PAK5: variants seen among roughly 807,000 people sequenced by gnomAD.
PAK5 encodes the protein serine/threonine-protein kinase PAK 5.
PAK5 carries 16 observed loss-of-function variants against 65.9 expected under a neutral mutation model. The observed-to-expected ratio is 0.24, with a 90% CI of 0.16 to 0.37. PAK5 has a LOEUF of 0.37. PAK5 is among the 10% of genes least tolerant of loss of function. The probability of loss-of-function intolerance (pLI) is 1.00; values close to 1 mark genes in which losing one functional copy is unlikely to be tolerated. For synonymous variants in PAK5, 371 were observed against 354.9 expected (o/e 1.05, Z -0.51); for missense variants, 785 against 903.9 (o/e 0.87, Z 1.69).
intron 3 of PAK5, among the ~76,000 whole-genome samples, chr20:9,608,391 A>T (rs1389960766): frequency 6.6e-6 from 1 of 152,236 alleles, no homozygotes. Flanking sequence ...GGAAGTTTCT[A>T]TGAATGCCTT....
In PAK5 at chr20:9,542,624, G is replaced by A. The variant is rs775109543; in HGVS notation, c.1966C>T (p.Arg656Trp). 8.1e-6 allele frequency: 13 copies of A among 1,613,794 alleles called. No individual in the cohort carries two copies. Among genetic ancestry groups the A allele is most frequent in the East Asian group, 2.2e-5 (1 of 44,882 alleles). Reference sequence around the variant, plus strand: ...TTCACTCTTGGAGGTAAACTGTCCCGGATCCTCCGCATCGCCTGGAGGGGA... The same window carrying A: ...TTCACTCTTGGAGGTAAACTGTCCCAGATCCTCCGCATCGCCTGGAGGGGA... ...EPPLQAMRRI[R>W]DSLPPRVKDL... The change falls in exon 9 of 10, where the codon CGG becomes TGG. Residue 656 changes from arginine to tryptophan, a missense_variant. Physicochemically the swap from Arg to Trp is moderately radical, Grantham distance 101. Around this residue, in one of 4 missense-constraint regions of PAK5, gnomAD observed 110 missense variants for 107.4 expected, o/e 1.02. Coordinates refer to ENST00000353224, the MANE Select transcript of PAK5 (RefSeq NM_177990.4).
intron 1 of PAK5, among the ~76,000 whole-genome samples, chr20:9,822,222 G>C (rs1366897144): frequency 2.7e-5 from 4 of 149,576 alleles, no homozygotes; most frequent in Admixed American, 2.7e-4. Context: ...CCAGGAGGCA[G>C]AGGTTGCAGT....
intron 4 of PAK5, among the ~76,000 whole-genome samples, chr20:9,573,006 G>C (rs1244214314): frequency 6.6e-6 from 1 of 152,050 alleles, no homozygotes; most frequent in Non-Finnish European, 1.5e-5. Context: ...AATTGTCATT[G>C]AAAATTGGAT....
intron 3 of PAK5, among the ~76,000 whole-genome samples, chr20:9,619,156 C>G (rs1350022806): frequency 6.6e-6 from 1 of 151,840 alleles, no homozygotes; most frequent in African/African-American, 2.4e-5. Flanking sequence ...CTCCTGGGTT[C>G]AAATGATCTG....
At chr20:9,596,469 T>C (rs186660642) in intron 3 of PAK5, among the ~76,000 whole-genome samples, 25 of 151,956 alleles carry the variant, frequency 1.6e-4, no homozygotes, top group African/African-American at 5.8e-4. Flanking sequence ...ACCCCGTCTC[T>C]ACTAAAAATA....
chr20:9,690,935 A>T, intron 2 of PAK5, among the ~76,000 whole-genome samples: 1 of 150,868 alleles, frequency 6.6e-6, no homozygotes. Context: ...TTGTATTTTT[A>T]ATAGAGATGG....
intron 2 of PAK5, among the ~76,000 whole-genome samples, chr20:9,654,836 C>A (rs1001252638): frequency 6.6e-6 from 1 of 152,170 alleles, no homozygotes; most frequent in Non-Finnish European, 1.5e-5. Flanking sequence ...TGTCTCCACC[C>A]TCTCATCTTG....
At chr20:9,763,147 T>C (rs2048719074) in intron 1 of PAK5, among the ~76,000 whole-genome samples, 2 of 152,094 alleles carry the variant, frequency 1.3e-5, no homozygotes, top group Admixed American at 6.6e-5. Flanking sequence ...GTTAGAGGGT[T>C]CAAAGTTTTA....
chr20:9,734,101 A>C (rs919635265), intron 1 of PAK5, among the ~76,000 whole-genome samples: 1 of 152,150 alleles, frequency 6.6e-6, no homozygotes, highest in Non-Finnish European at 1.5e-5. Context: ...TCCTGTGGTA[A>C]TAGGTGAATT....
rs577345321 is a variant in PAK5, at chr20:9,768,990, C to A, written c.-161-57555G>T. Among the ~76,000 whole-genome samples the A allele has an allele frequency of 7.2e-4, 109 of 152,228 alleles. 3 individuals carry two copies. The South Asian group carries it at 0.022, about 30-fold the overall frequency. On this transcript the variant is annotated intron_variant, in intron 1 of 9. Coordinates refer to ENST00000353224, the MANE Select transcript of PAK5 (RefSeq NM_177990.4). ...TGCTATCTAATTGCCCCGTTCATTTCTTTAAAAGGATTTTAAAAGATCAAG... is the reference window on the plus strand; with the variant it reads ...TGCTATCTAATTGCCCCGTTCATTTATTTAAAAGGATTTTAAAAGATCAAG...
intron 1 of PAK5, among the ~76,000 whole-genome samples, chr20:9,712,805 T>G (rs1346599143): frequency 6.6e-6 from 1 of 152,108 alleles, no homozygotes; most frequent in African/African-American, 2.4e-5. Context: ...TAGGAAAACC[T>G]GATATACATA....
At chr20:9,825,154 T>G (rs2049469173) in intron 1 of PAK5, among the ~76,000 whole-genome samples, 1 of 152,184 alleles carries the variant, frequency 6.6e-6, no homozygotes, top group African/African-American at 2.4e-5. Context: ...ACCCTGGTCT[T>G]TGTAGAAAAG....
In PAK5 at chr20:9,580,197, T is replaced by A; in HGVS notation, c.938A>T (p.Tyr313Phe). The change falls in exon 4 of 10, where the codon TAC becomes TTC. Residue 313 changes from tyrosine (Y) to phenylalanine (F), a missense_variant. This residue lies in a region of PAK5 where 422 missense variants were observed against 413.3 expected (regional missense o/e 1.02). Coordinates refer to ENST00000353224, the MANE Select transcript of PAK5 (RefSeq NM_177990.4). The part of the protein sequence containing the change: ...AFKTHPQGHS[Y>F]NSYTYPRLSE... ...CAAGCGAGGGTAGGTGTAGGAGTTGTAGGAGTGTCCTTGGGGATGGGTTTT... is the reference window on the plus strand; with the variant it reads ...CAAGCGAGGGTAGGTGTAGGAGTTGAAGGAGTGTCCTTGGGGATGGGTTTT... The A allele has an allele frequency of 3.7e-6, 6 of 1,614,130 alleles. No homozygotes were observed. Among genetic ancestry groups the A allele is most frequent in the Non-Finnish European group, 4.2e-6 (5 of 1,179,978 alleles).
At chr20:9,793,304 A>G (rs2049069586) in intron 1 of PAK5, among the ~76,000 whole-genome samples, 1 of 152,146 alleles carries the variant, frequency 6.6e-6, no homozygotes, top group Admixed American at 6.6e-5. Flanking sequence ...GTAAACACAT[A>G]CATGTTTTAA....
At chr20:9,718,291 T>G (rs747029303) in intron 1 of PAK5, among the ~76,000 whole-genome samples, 30 of 152,070 alleles carry the variant, frequency 2.0e-4, no homozygotes, top group Non-Finnish European at 3.4e-4. Flanking sequence ...TTTCCCCTCC[T>G]CACACTCAAG....
intron 1 of PAK5, among the ~76,000 whole-genome samples, chr20:9,779,924 G>T (rs2048924429): frequency 1.3e-5 from 2 of 151,964 alleles, no homozygotes; most frequent in African/African-American, 4.8e-5. Flanking sequence ...GTATAATAAT[G>T]ATTTGTACCC....
intron 1 of PAK5, among the ~76,000 whole-genome samples, chr20:9,830,874 G>C (rs1049886076): frequency 6.6e-6 from 1 of 152,224 alleles, no homozygotes; most frequent in African/African-American, 2.4e-5. Flanking sequence ...GGGATGAGTG[G>C]TATTCAACCC....
intron 1 of PAK5, among the ~76,000 whole-genome samples, chr20:9,817,861 G>A (rs1302168118): frequency 6.6e-6 from 1 of 152,110 alleles, no homozygotes; most frequent in Non-Finnish European, 1.5e-5. Context: ...CAGTTAATGA[G>A]GTCACACCTG....
rs559980936 is a variant in PAK5 at position 9,538,705 on chromosome 20, C to T, written c.*757G>A. Reference sequence around the variant, plus strand: ...TAACTTTATCCCAAGGAGTGGTATACTGTGGCTCAAATTTTATTTCATTAT... The same window carrying T: ...TAACTTTATCCCAAGGAGTGGTATATTGTGGCTCAAATTTTATTTCATTAT... On this transcript the variant is annotated 3_prime_UTR_variant, in exon 10 of 10. Coordinates refer to ENST00000353224, the MANE Select transcript of PAK5 (RefSeq NM_177990.4). 5.4e-4 allele frequency: 125 copies of T among 233,422 alleles called. 4 individuals carry two copies. The South Asian group carries it at 0.021, about 40-fold the overall frequency. The allele number at this position is 233,422 out of a possible 1,614,324, so 14.5% of individuals were successfully genotyped here.
Sources: gnomAD v4.1 joint callset for allele counts (sites outside exome capture counted in the v4.1 genomes callset) on GRCh38, gnomAD v4.1.1 for gene constraint, gnomAD v4.1.1 regional missense constraint, MANE v1.5 for transcripts, NCBI Gene and HGNC (gene_info 2026-07-23, HGNC 2026-07-21) for gene names.